JHY: variants seen among roughly 807,000 people sequenced by gnomAD.
JHY encodes the protein junctional cadherin complex regulator.
Under a neutral mutation model 78.0 loss-of-function variants are expected in JHY, and 69 were observed. That is an observed-to-expected ratio of 0.88 (90% CI 0.73 to 1.08). The LOEUF (loss-of-function observed/expected upper bound fraction) is 1.08, where lower values mean the gene tolerates loss of function less well. Among genes scored for constraint, JHY ranks in the 50% least tolerant of loss-of-function variants. The probability of loss-of-function intolerance (pLI) is 0.00; values close to 1 mark genes in which losing one functional copy is unlikely to be tolerated. For missense variants in JHY, 944 were observed against 927.8 expected (o/e 1.02, Z -0.23); for synonymous variants, 368 against 342.6 (o/e 1.07, Z -0.82).
chr11:122,920,832 C>A (rs1255427020), intron 3 of JHY, among the ~76,000 whole-genome samples: 2 of 152,186 alleles, frequency 1.3e-5, no homozygotes, highest in East Asian at 3.9e-4. Context: ...GAACCACAAG[C>A]CTTTGAAGTC....
chr11:122,923,756 C>T (rs572523632), intron 3 of JHY, among the ~76,000 whole-genome samples: 19 of 151,820 alleles, frequency 1.3e-4, no homozygotes, highest in African/African-American at 3.9e-4. Flanking sequence ...CTCACTCTGT[C>T]GCCCAGGCTG....
intron 6 of JHY, among the ~76,000 whole-genome samples, chr11:122,950,669 A>G (rs1336898580): frequency 6.6e-6 from 1 of 152,234 alleles, no homozygotes. Context: ...TTAAAACTAC[A>G]GCTTAGTCCC....
In JHY at chr11:122,946,489, T is replaced by C. The variant is rs1249837958; in HGVS notation, c.1635-9T>C. On this transcript the variant is annotated splice_polypyrimidine_tract_variant and intron_variant, in intron 5 of 8. Transcript: ENST00000227349. Reference sequence around the variant, plus strand: ...TTAATAGATTTGTGCCTTTTTTTTTTTCATTAAGGAAATTCCATTCTTCTT... The same window carrying C: ...TTAATAGATTTGTGCCTTTTTTTTTCTCATTAAGGAAATTCCATTCTTCTT... 1 of 1,557,052 alleles carries C rather than the reference T, an allele frequency of 6.4e-7. No homozygotes were observed. The highest frequency in any genetic ancestry group is 2.2e-5 in the Admixed American group (1 of 46,104).
rs1224620926 is a variant in JHY at position 122,904,123 on chromosome 11, A to G, written c.543A>G (p.Lys181=). 2 of 1,614,038 alleles carry G rather than the reference A, an allele frequency of 1.2e-6. No individual in the cohort carries two copies. Among genetic ancestry groups the G allele is most frequent in the East Asian group, 4.5e-5 (2 of 44,892 alleles). The change falls in exon 3 of 9, where the codon AAA becomes AAG. Residue 181 remains lysine, a synonymous_variant. Transcript: ENST00000227349. ...MELSGGKGEQ[K]ESPQSAASLL... ...TCTCCGGGGGAAAAGGCGAGCAGAA[A>G]GAGAGTCCACAGAGTGCAGCTTCTT...
rs1390964472 is a variant in JHY at position 122,961,204 on chromosome 11, T to TA, written c.*1764dup. 6.3e-6 allele frequency: 3 copies of TA among 476,686 alleles called. No individual in the cohort carries two copies. The highest frequency in any genetic ancestry group is 7.9e-6 in the Non-Finnish European group (2 of 252,272). 29.5% of individuals were successfully genotyped at this position (476,686 alleles called of 1,614,324 possible). On this transcript the variant is annotated 3_prime_UTR_variant, in exon 9 of 9. Coordinates refer to ENST00000227349, the MANE Select transcript of JHY (RefSeq NM_024806.4). ...ACTGAAGTAGATAGTTTATATCTCC[T>TA]AAAAATGAAACATTTGTTCCCTATA... is the stretch of plus-strand genomic sequence containing the variant.
At chr11:122,921,283 C>T (rs1394158673) in intron 3 of JHY, among the ~76,000 whole-genome samples, 3 of 152,234 alleles carry the variant, frequency 2.0e-5, no homozygotes, top group Non-Finnish European at 4.4e-5. Flanking sequence ...GTCAATCAAA[C>T]AGTATCAACA....
intron 3 of JHY, among the ~76,000 whole-genome samples, chr11:122,911,829 C>T (rs753281605): frequency 7.0e-6 from 1 of 142,744 alleles, no homozygotes; most frequent in African/African-American, 2.7e-5. Context: ...CGCTTGAACC[C>T]GGGAGGTGGA....
chr11:122,957,625 G>T, intron 8 of JHY, 134 bp downstream of exon 8: 1 of 922,110 alleles, frequency 1.1e-6, no homozygotes, highest in Middle Eastern at 3.8e-4. Context: ...AAACTCCTGG[G>T]CTCAAGCTAT....
intron 2 of JHY, among the ~76,000 whole-genome samples, chr11:122,901,861 A>G (rs1462636154): frequency 2.0e-5 from 3 of 151,498 alleles, no homozygotes; most frequent in Non-Finnish European, 4.4e-5. Flanking sequence ...CGAAAGAGCG[A>G]GACTCTGTCT....
intron 3 of JHY, among the ~76,000 whole-genome samples, chr11:122,921,081 G>T (rs1863355097): frequency 1.3e-5 from 2 of 151,820 alleles, no homozygotes; most frequent in African/African-American, 4.8e-5. Context: ...ATTCCACTTT[G>T]AAAGAGATAA....
At position 122,922,606 on chromosome 11, in the gene JHY, A is replaced by C. The variant is rs59615047; in HGVS notation, c.865-2291A>C. On this transcript the variant is annotated intron_variant, in intron 3 of 8. Transcript: ENST00000227349. ...TGGGCGGATCACGAGGTCAGGAGAT[A>C]GAGACCATCCTGGCTAACACGGTGA... Among the ~76,000 whole-genome samples, 309 of 151,942 alleles carry C rather than the reference A, an allele frequency of 2.0e-3. 2 individuals carry two copies. Among genetic ancestry groups the C allele is most frequent in the Admixed American group, 3.7e-3 (57 of 15,270 alleles).
chr11:122,934,403 C>A lies in JHY; in HGVS notation c.979-17C>A. 6.8e-7 allele frequency: 1 copy of A among 1,476,804 alleles called. No individual in the cohort carries two copies. The highest frequency in any genetic ancestry group is 9.0e-7 in the Non-Finnish European group (1 of 1,105,652). 91.5% of individuals were successfully genotyped at this position (1,476,804 alleles called of 1,614,324 possible). ...GCCAGTCTTCTAATTTTACATTAAC[C>A]AAAAATATCTCTTTAGAATTACCAG... On this transcript the variant is annotated splice_polypyrimidine_tract_variant and intron_variant, in intron 4 of 8. Coordinates refer to ENST00000227349, the MANE Select transcript of JHY (RefSeq NM_024806.4).
rs980904146 is a variant in JHY, at chr11:122,959,491, G to A, written c.*46G>A. The A allele has an allele frequency of 6.4e-6, 10 of 1,566,034 alleles. No homozygotes were observed. The highest frequency in any genetic ancestry group is 4.5e-5 in the East Asian group (2 of 44,158). ...GACCAAAAATGGTCCAGGAATGAAC[G>A]TGGAGAAAAGAAACGCCAACCACCT... On this transcript the variant is annotated 3_prime_UTR_variant, in exon 9 of 9. Transcript: ENST00000227349.
intron 3 of JHY, chr11:122,905,366 C>T: frequency 6.6e-7 from 1 of 1,521,236 alleles, no homozygotes; most frequent in Non-Finnish European, 8.8e-7. Flanking sequence ...TGAGATTTAT[C>T]ACCTGCTAAT....
rs141517992 is a variant in JHY at position 122,913,363 on chromosome 11, T to C, written c.864+8919T>C. Among the ~76,000 whole-genome samples the C allele has an allele frequency of 2.2e-3, 332 of 152,342 alleles. 2 individuals are homozygous for C. The highest frequency in any genetic ancestry group is 7.6e-3 in the African/African-American group (315 of 41,576). Reference sequence around the variant, plus strand: ...GGGATCATGTATTTGGTACTTTAGTTTTGAAGTACAATTTCATAGGGTAAT... The same window carrying C: ...GGGATCATGTATTTGGTACTTTAGTCTTGAAGTACAATTTCATAGGGTAAT... On this transcript the variant is annotated intron_variant, in intron 3 of 8. Coordinates refer to ENST00000227349, the MANE Select transcript of JHY (RefSeq NM_024806.4).
At chr11:122,895,949 ACCT>A (rs1378093874) in intron 2 of JHY, among the ~76,000 whole-genome samples, 1 of 152,092 alleles carries the variant, frequency 6.6e-6, no homozygotes, top group Non-Finnish European at 1.5e-5. Context: ...GCAAAACATA[ACCT>A]CCTATTTGTC....
Position 122,904,286 on chromosome 11 carries a change from A to C in JHY, c.706A>C (p.Asn236His). ...GTACGTGAAGAGCTCAAGTTCACAT[A>C]ACGAGGTTTTCCTGCCGGGATCACG... The part of the protein sequence containing the change: ...SPYVKSSSSH[N>H]EVFLPGSRGP... The change falls in exon 3 of 9, where the codon AAC (asparagine) becomes CAC (histidine). Residue 236 changes from asparagine to histidine, a missense_variant. Asn to His is a moderately conservative substitution (Grantham distance 68). Coordinates refer to ENST00000227349, the MANE Select transcript of JHY (RefSeq NM_024806.4). 2 of 1,614,174 alleles carry C rather than the reference A, an allele frequency of 1.2e-6. No homozygotes were observed. The highest frequency in any genetic ancestry group is 1.7e-6 in the Non-Finnish European group (2 of 1,180,032).
chr11:122,958,962 A>AG (rs1429861386), intron 8 of JHY: 2 of 985,302 alleles, frequency 2.0e-6, no homozygotes, highest in Non-Finnish European at 2.4e-6. Flanking sequence ...ACACATAAGA[A>AG]GGAACACTTG....
rs1864295212 is a variant in JHY at position 122,960,722 on chromosome 11, A to G, written c.*1277A>G. 9.1e-6 allele frequency: 4 copies of G among 439,304 alleles called. No homozygotes were observed. The highest frequency in any genetic ancestry group is 1.8e-5 in the Non-Finnish European group (4 of 220,780). 27.2% of individuals were successfully genotyped at this position (439,304 alleles called of 1,614,324 possible). Reference sequence around the variant, plus strand: ...AATCTGCTTATCAACTCAATGAGCAAAACATTGCCCAACTAGAAGAGGTGA... The same window carrying G: ...AATCTGCTTATCAACTCAATGAGCAGAACATTGCCCAACTAGAAGAGGTGA... On this transcript the variant is annotated 3_prime_UTR_variant, in exon 9 of 9. Coordinates refer to ENST00000227349, the MANE Select transcript of JHY (RefSeq NM_024806.4).
Sources: allele counts gnomAD v4.1 joint callset (sites outside exome capture counted in the v4.1 genomes callset), GRCh38; gene constraint gnomAD v4.1.1; transcripts MANE v1.5; gene names NCBI Gene and HGNC (gene_info 2026-07-23, HGNC 2026-07-21).